Variants in FRS2 observed in about 807,000 individuals in gnomAD.
The protein encoded by FRS2 is FGFR signalling adaptor.
FRS2 carries 8 observed loss-of-function variants against 43.9 expected under a neutral mutation model. That is an observed-to-expected ratio of 0.18 (90% confidence interval 0.11 to 0.33). The LOEUF is 0.33. FRS2 is among the 10% of genes least tolerant of loss of function. FRS2 has a pLI of 1.00. For synonymous variants in FRS2, 219 were observed against 220.3 expected, an observed-to-expected ratio of 0.99 and a Z score of 0.05; for missense variants, 534 against 627.6, an observed-to-expected ratio of 0.85 and a Z score of 1.59.
chr12:69,548,054 T>C (rs901769951), intron 3 of FRS2, among the ~76,000 whole-genome samples: 8 of 152,210 alleles, frequency 5.3e-5, no homozygotes, highest in African/African-American at 1.9e-4. Context: ...GTTCTTGCGA[T>C]GTTGCCCAGG....
chr12:69,513,292 A>G (rs710788), intron 1 of FRS2, among the ~76,000 whole-genome samples: 14,144 of 151,986 alleles, frequency 0.093, 868 homozygotes, highest in Non-Finnish European at 0.14. Flanking sequence ...TTGGCAGTCA[A>G]CAATCACCTT....
At chr12:69,511,475 A>G (rs969259200) in intron 1 of FRS2, among the ~76,000 whole-genome samples, 1 of 152,226 alleles carries the variant, frequency 6.6e-6, no homozygotes, top group Non-Finnish European at 1.5e-5. Flanking sequence ...GAAAGTGTTC[A>G]TCAAACTGTT....
At chr12:69,500,758 A>G (rs1351160681) in intron 1 of FRS2, among the ~76,000 whole-genome samples, 1 of 152,200 alleles carries the variant, frequency 6.6e-6, no homozygotes, top group Non-Finnish European at 1.5e-5. Context: ...ATGTGATTAT[A>G]TATAATAGGG....
At chr12:69,502,460 C>A (rs189384753) in intron 1 of FRS2, among the ~76,000 whole-genome samples, 1 of 151,774 alleles carries the variant, frequency 6.6e-6, no homozygotes, top group Non-Finnish European at 1.5e-5. Context: ...TGTCAAACTC[C>A]GAGGCTCGAG....
At chr12:69,544,484 G>C (rs932010584) in intron 3 of FRS2, among the ~76,000 whole-genome samples, 4 of 152,162 alleles carry the variant, frequency 2.6e-5, no homozygotes, top group African/African-American at 9.6e-5. Flanking sequence ...AGGTGGGTGA[G>C]TCACTTGAGA....
At chr12:69,522,190 T>G (rs868806922) in intron 1 of FRS2, among the ~76,000 whole-genome samples, 19 of 134,822 alleles carry the variant, frequency 1.4e-4, no homozygotes, top group African/African-American at 3.9e-4. Flanking sequence ...GAAGTTTTCT[T>G]TGTGTGTGTG....
intron 2 of FRS2, among the ~76,000 whole-genome samples, chr12:69,531,274 GAGCT>G (rs1297157172): frequency 6.6e-6 from 1 of 151,406 alleles, no homozygotes; most frequent in African/African-American, 2.4e-5. Context: ...AGGCTGCAGT[GAGCT>G]GAGATTGCAC....
intron 1 of FRS2, among the ~76,000 whole-genome samples, chr12:69,507,551 A>G (rs929604966): frequency 1.2e-4 from 18 of 152,182 alleles, no homozygotes; most frequent in African/African-American, 3.9e-4. Context: ...CTTCATATGA[A>G]AAGAACTTCA....
At chr12:69,506,221 C>A (rs1873915108) in intron 1 of FRS2, among the ~76,000 whole-genome samples, 1 of 152,048 alleles carries the variant, frequency 6.6e-6, no homozygotes, top group Non-Finnish European at 1.5e-5. Context: ...AGTTTATTGT[C>A]TTAATGTTAA....
At chr12:69,470,873 C>T (rs1289237922) in intron 1 of FRS2, among the ~76,000 whole-genome samples, 2 of 152,118 alleles carry the variant, frequency 1.3e-5, no homozygotes, top group African/African-American at 4.8e-5. Context: ...ATTCTGTGTC[C>T]GGCCTGGGGT....
intron 8 of FRS2, among the ~76,000 whole-genome samples, chr12:69,573,781 C>A (rs987867417): frequency 6.6e-6 from 1 of 152,150 alleles, no homozygotes; most frequent in African/African-American, 2.4e-5. Context: ...ATTTTGAAGT[C>A]GTTATTCTTT....
rs902999068 is a variant in FRS2 at position 69,577,971 on chromosome 12, G to C, written c.*3016G>C. The C allele has an allele frequency of 6.6e-6, 1 of 152,542 alleles. No individual in the cohort carries two copies. Among genetic ancestry groups the C allele is most frequent in the Non-Finnish European group, 1.5e-5 (1 of 67,990 alleles). 9.4% of individuals were successfully genotyped at this position (152,542 alleles called of 1,614,324 possible). A position where few individuals can be genotyped will look rare whatever the true frequency, so the allele number is the denominator to read the frequency against. On this transcript the variant is annotated 3_prime_UTR_variant, in exon 9 of 9. Transcript: ENST00000549921. ...CAATGTTATAAATAGAACAAGTCAAGCTAGTGTTTATCTCCTCCCCCTCCC... is the reference window on the plus strand; with the variant it reads ...CAATGTTATAAATAGAACAAGTCAACCTAGTGTTTATCTCCTCCCCCTCCC...
chr12:69,530,200 T>C (rs1258322370), intron 1 of FRS2, among the ~76,000 whole-genome samples: 1 of 150,524 alleles, frequency 6.6e-6, no homozygotes, highest in Non-Finnish European at 1.5e-5. Flanking sequence ...CAATTAATGA[T>C]AATAATTGTT....
intron 1 of FRS2, among the ~76,000 whole-genome samples, chr12:69,483,764 T>G (rs1871565413): frequency 6.6e-6 from 1 of 152,200 alleles, no homozygotes; most frequent in Non-Finnish European, 1.5e-5. Flanking sequence ...TTTCTTCATA[T>G]TTCTAGTTAT....
intron 1 of FRS2, among the ~76,000 whole-genome samples, chr12:69,484,410 A>G (rs1217405536): frequency 6.6e-6 from 1 of 152,198 alleles, no homozygotes; most frequent in Non-Finnish European, 1.5e-5. Context: ...TATCTGTGCC[A>G]GTGTTCCACA....
chr12:69,548,719 GA>G (rs1878623171), intron 3 of FRS2, among the ~76,000 whole-genome samples: 1 of 152,212 alleles, frequency 6.6e-6, no homozygotes, highest in Admixed American at 6.5e-5. Flanking sequence ...ATCAGCAAGT[GA>G]TATTGGCCAG....
In FRS2 at chr12:69,481,033, T is replaced by A. The variant is rs149456602; in HGVS notation, c.-261+10503T>A. 2.3e-3 allele frequency among the ~76,000 whole-genome samples: 348 copies of A among 152,374 alleles called. 2 individuals carry two copies. The highest frequency in any genetic ancestry group is 6.8e-3 in the Middle Eastern group (2 of 294). On this transcript the variant is annotated intron_variant, in intron 1 of 8. Transcript: ENST00000549921. ...TAGTGTCCTATTTTCTTAAACGTTTTATTTTGAAATAATTTCAAACTTACA... is the reference window on the plus strand; with the variant it reads ...TAGTGTCCTATTTTCTTAAACGTTTAATTTTGAAATAATTTCAAACTTACA...
At chr12:69,482,642 G>A (rs1419492678) in intron 1 of FRS2, among the ~76,000 whole-genome samples, 1 of 152,174 alleles carries the variant, frequency 6.6e-6, no homozygotes, top group Non-Finnish European at 1.5e-5. Flanking sequence ...TCTTTTGTGT[G>A]TAGTAGTCAT....
intron 1 of FRS2, among the ~76,000 whole-genome samples, chr12:69,482,023 A>G (rs1163397213): frequency 6.6e-6 from 1 of 151,010 alleles, no homozygotes; most frequent in East Asian, 1.9e-4. Flanking sequence ...AGTGAAAACT[A>G]AGTGTAGTAA....
Sources: allele counts gnomAD v4.1 joint callset (sites outside exome capture counted in the v4.1 genomes callset), GRCh38; gene constraint gnomAD v4.1.1; transcripts MANE v1.5; gene names NCBI Gene and HGNC (gene_info 2026-07-23, HGNC 2026-07-21).